Variants in VAPB observed in about 807,000 individuals in gnomAD.
VAPB encodes vesicle-associated membrane protein-associated protein B/C.
In VAPB, 7 loss-of-function variants were observed where a neutral mutation model predicts 25.6. The ratio of observed to expected loss-of-function variants is 0.27; its 90% CI spans 0.16 to 0.51. The LOEUF (loss-of-function observed/expected upper bound fraction) is 0.51. Among genes scored for constraint, VAPB ranks in the 20% least tolerant of loss-of-function variants. The probability of loss-of-function intolerance (pLI) is 0.97; values close to 1 mark genes in which losing one functional copy is unlikely to be tolerated. For synonymous variants in VAPB, 112 were observed against 109.2 expected (o/e 1.03, Z -0.16); for missense variants, 266 against 301.3 (o/e 0.88, Z 0.87).
intron 1 of VAPB, among the ~76,000 whole-genome samples, chr20:58,397,378 G>T (rs964982683): frequency 6.6e-6 from 1 of 152,108 alleles, no homozygotes; most frequent in Non-Finnish European, 1.5e-5. Context: ...AATTAGCCGG[G>T]CATGGTAGCG....
rs1181078801 is a variant in VAPB at position 58,449,249 on chromosome 20, G to T, written c.*5014G>T. 3 of 453,988 alleles carry T rather than the reference G, an allele frequency of 6.6e-6. No individual in the cohort carries two copies. 28.1% of individuals were successfully genotyped at this position (453,988 alleles called of 1,614,324 possible). Reference sequence around the variant, plus strand: ...AGCTCACCCACCCCTGTGCCAGGGGGCCCTGACCTCCCTCCATGCCATGTT... The same window carrying T: ...AGCTCACCCACCCCTGTGCCAGGGGTCCCTGACCTCCCTCCATGCCATGTT... On this transcript the variant is annotated 3_prime_UTR_variant, in exon 6 of 6. Coordinates refer to ENST00000475243, the MANE Select transcript of VAPB (RefSeq NM_004738.5).
At chr20:58,423,720 GCTTCTTAACAGCAACATT>G in intron 2 of VAPB, among the ~76,000 whole-genome samples, 1 of 152,264 alleles carries the variant, frequency 6.6e-6, no homozygotes, top group South Asian at 2.1e-4. Flanking sequence ...GGGAGTTTGA[GCTTCTTAACAGCAACATT>G]CTTCTTTGTT....
At chr20:58,413,601 G>A (rs1051440851) in intron 1 of VAPB, among the ~76,000 whole-genome samples, 7 of 151,762 alleles carry the variant, frequency 4.6e-5, no homozygotes, top group African/African-American at 1.5e-4. Flanking sequence ...CACCTTTCCC[G>A]CCTTTCTATT....
chr20:58,427,341 T>C (rs1988816494), intron 2 of VAPB, among the ~76,000 whole-genome samples: 1 of 151,860 alleles, frequency 6.6e-6, no homozygotes, highest in Non-Finnish European at 1.5e-5. Flanking sequence ...AAGTGATCCG[T>C]GATCTGTTAC....
chr20:58,393,240 A>C (rs1987853601), intron 1 of VAPB, among the ~76,000 whole-genome samples: 1 of 152,190 alleles, frequency 6.6e-6, no homozygotes, highest in African/African-American at 2.4e-5. Flanking sequence ...CATGTTGCCC[A>C]GGCTGGTCTT....
At chr20:58,405,339 C>T (rs1206066141) in intron 1 of VAPB, among the ~76,000 whole-genome samples, 1 of 152,138 alleles carries the variant, frequency 6.6e-6, no homozygotes, top group Non-Finnish European at 1.5e-5. Flanking sequence ...GTGGAGGGGC[C>T]TGCGGGGAGA....
chr20:58,402,994 G>A (rs1005714356), intron 1 of VAPB, among the ~76,000 whole-genome samples: 4 of 152,142 alleles, frequency 2.6e-5, no homozygotes, highest in Non-Finnish European at 4.4e-5. Flanking sequence ...GACAGAGCAA[G>A]ACTGTATCTC....
Position 58,446,496 on chromosome 20 carries a change from G to A in VAPB, c.*2261G>A, listed in dbSNP as rs767634515. 2.4e-5 allele frequency: 11 copies of A among 453,944 alleles called. No individual in the cohort carries two copies. The highest frequency in any genetic ancestry group is 9.3e-5 in the South Asian group (6 of 64,466). 28.1% of individuals were successfully genotyped at this position (453,944 alleles called of 1,614,324 possible). On this transcript the variant is annotated 3_prime_UTR_variant, in exon 6 of 6. Transcript: ENST00000475243. ...TAAAACTTTATTCACAAAAACAGCC[G>A]GGTCATGGGATTTGGCTTGTGAGTC...
intron 2 of VAPB, among the ~76,000 whole-genome samples, chr20:58,419,472 G>A (rs777300861): frequency 9.9e-5 from 15 of 151,934 alleles, no homozygotes; most frequent in Non-Finnish European, 1.8e-4. Flanking sequence ...TTGATTGAGG[G>A]GCTTCTATGT....
At chr20:58,440,588 C>A in intron 4 of VAPB, 1 of 305,078 alleles carries the variant, frequency 3.3e-6, no homozygotes. Context: ...AATTCCTGAG[C>A]TTGCACAATT....
chr20:58,442,865 G>A (rs554480424), intron 5 of VAPB, among the ~76,000 whole-genome samples: 6 of 152,310 alleles, frequency 3.9e-5, no homozygotes, highest in Admixed American at 6.5e-5. Flanking sequence ...GTACTCGGGC[G>A]GATGGGAGCG....
intron 1 of VAPB, among the ~76,000 whole-genome samples, chr20:58,406,025 G>C (rs1354470610): frequency 6.6e-6 from 1 of 152,142 alleles, no homozygotes; most frequent in Non-Finnish European, 1.5e-5. Flanking sequence ...GGCCTAAGCA[G>C]TTGGGTGAGT....
At position 58,444,492 on chromosome 20, in the gene VAPB, C is replaced by T. The variant is rs1223651151; in HGVS notation, c.*257C>T. On this transcript the variant is annotated 3_prime_UTR_variant, in exon 6 of 6. Transcript: ENST00000475243. ...GATCTTTATTAATGACAAGGGAAAC[C>T]ATGAGTAATGCCACAATGGCATATT... 4 of 612,902 alleles carry T rather than the reference C, an allele frequency of 6.5e-6. No individual in the cohort carries two copies. The highest frequency in any genetic ancestry group is 3.5e-5 in the East Asian group (1 of 28,804). 38.0% of individuals were successfully genotyped at this position (612,902 alleles called of 1,614,324 possible). A position where few individuals can be genotyped will look rare whatever the true frequency, so the allele number is the denominator to read the frequency against.
intron 1 of VAPB, 82 bp downstream of exon 1, chr20:58,389,599 G>C (rs1011641321): frequency 1.4e-6 from 2 of 1,443,172 alleles, no homozygotes; most frequent in Non-Finnish European, 1.9e-6. Context: ...GGCGGGTGAC[G>C]TCGGCCCTCG....
intron 2 of VAPB, among the ~76,000 whole-genome samples, chr20:58,427,914 T>C (rs1172075096): frequency 6.9e-6 from 1 of 145,240 alleles, no homozygotes; most frequent in Non-Finnish European, 1.5e-5. Context: ...ACCATTATGA[T>C]GCAGGGGAAA....
At chr20:58,411,399 A>G (rs1316904158) in intron 1 of VAPB, among the ~76,000 whole-genome samples, 1 of 152,200 alleles carries the variant, frequency 6.6e-6, no homozygotes, top group African/African-American at 2.4e-5. Flanking sequence ...CTCCTGCCTC[A>G]GCCTCCCCAG....
At chr20:58,402,157 C>T (rs191868773) in intron 1 of VAPB, among the ~76,000 whole-genome samples, 1 of 152,288 alleles carries the variant, frequency 6.6e-6, no homozygotes, top group Non-Finnish European at 1.5e-5. Context: ...TTTAACAAAA[C>T]CTGGAAAATT....
intron 3 of VAPB, among the ~76,000 whole-genome samples, chr20:58,435,601 G>A (rs1319124672): frequency 6.6e-6 from 1 of 152,150 alleles, no homozygotes; most frequent in Non-Finnish European, 1.5e-5. Context: ...CATACCAAGG[G>A]CAACTCAGGC....
At chr20:58,402,259 T>G (rs1170985796) in intron 1 of VAPB, among the ~76,000 whole-genome samples, 2 of 152,222 alleles carry the variant, frequency 1.3e-5, no homozygotes, top group Non-Finnish European at 2.9e-5. Flanking sequence ...TTAGTTCTCC[T>G]TGGCCATGGG....
Sources: gnomAD v4.1 joint callset for allele counts (sites outside exome capture counted in the v4.1 genomes callset) on GRCh38, gnomAD v4.1.1 for gene constraint, MANE v1.5 for transcripts, NCBI Gene and HGNC (gene_info 2026-07-23, HGNC 2026-07-21) for gene names.